The following PTPRZ1 variants were observed in gnomAD, a reference collection of about 807,000 sequenced individuals.
PTPRZ1 encodes receptor-type tyrosine-protein phosphatase zeta.
Under a neutral mutation model 214.1 loss-of-function variants are expected in PTPRZ1, and 82 were observed. The ratio of observed to expected loss-of-function variants is 0.38; its 90% confidence interval spans 0.32 to 0.46. The LOEUF is 0.46. PTPRZ1 is among the 20% of genes least tolerant of loss of function. The pLI is 1.00. For missense variants in PTPRZ1, 2,603 were observed against 2,748.7 expected (o/e 0.95, Z 1.19); for synonymous variants, 945 against 987.9 (o/e 0.96, Z 0.81).
chr7:121,899,562 A>G (rs781349340), intron 1 of PTPRZ1, among the ~76,000 whole-genome samples: 20 of 152,166 alleles, frequency 1.3e-4, no homozygotes, highest in African/African-American at 2.4e-4. Flanking sequence ...CTTTCAGGCT[A>G]TCTCTCTCCT....
At chr7:121,874,118 T>A (rs1419953812) in intron 1 of PTPRZ1, among the ~76,000 whole-genome samples, 5 of 151,816 alleles carry the variant, frequency 3.3e-5, no homozygotes, top group Admixed American at 2.0e-4. Context: ...GGGTTTTTTT[T>A]ATTACTTTCA....
At chr7:121,926,375 A>G (rs977624695) in intron 1 of PTPRZ1, among the ~76,000 whole-genome samples, 4 of 151,898 alleles carry the variant, frequency 2.6e-5, no homozygotes, top group Non-Finnish European at 5.9e-5. Flanking sequence ...TCAAGGGCCT[A>G]TGGTCAAGAA....
chr7:121,932,009 A>T (rs946484230), intron 2 of PTPRZ1, among the ~76,000 whole-genome samples: 2 of 152,152 alleles, frequency 1.3e-5, no homozygotes, highest in Admixed American at 6.5e-5. Flanking sequence ...TTTTTTAAAG[A>T]GTGAATTGCT....
intron 27 of PTPRZ1, among the ~76,000 whole-genome samples, chr7:122,058,148 G>GT (rs1792430020): frequency 6.6e-6 from 1 of 151,664 alleles, no homozygotes; most frequent in African/African-American, 2.4e-5. Context: ...TTATTTACCA[G>GT]TATCTTGGCT....
chr7:121,959,018 T>C (rs897501689), intron 2 of PTPRZ1, among the ~76,000 whole-genome samples: 3 of 151,220 alleles, frequency 2.0e-5, no homozygotes, highest in Non-Finnish European at 3.0e-5. Flanking sequence ...AGAGGCGGGG[T>C]TTCACCATGT....
intron 10 of PTPRZ1, among the ~76,000 whole-genome samples, chr7:122,003,764 A>G (rs1464749201): frequency 1.3e-5 from 2 of 152,204 alleles, no homozygotes; most frequent in East Asian, 1.9e-4. Flanking sequence ...GACCAAGACT[A>G]AAGAAAAATT....
chr7:122,011,714 C>G lies in PTPRZ1; in HGVS notation c.2668C>G (p.Leu890Val). The change falls in exon 12 of 30, where the codon CTG (leucine) becomes GTG (valine). Residue 890 changes from leucine to valine, a missense_variant. Coordinates refer to ENST00000393386, the MANE Select transcript of PTPRZ1 (RefSeq NM_002851.3). ...LSTTHAASETLEFGSESGVLY... is the reference protein window; with the variant it reads ...LSTTHAASETVEFGSESGVLY... ...CACTACTCATGCTGCTTCAGAGACG[C>G]TGGAATTTGGTAGTGAATCTGGTGT... 6.2e-7 allele frequency: 1 copy of G among 1,614,104 alleles called. No individual in the cohort carries two copies. Among genetic ancestry groups the G allele is most frequent in the Non-Finnish European group, 8.5e-7 (1 of 1,180,018 alleles).
At position 122,061,197 on chromosome 7, in the gene PTPRZ1, G is replaced by A. The variant is rs890413783; in HGVS notation, c.6925G>A (p.Glu2309Lys). The change falls in exon 30 of 30, where the codon GAG becomes AAG. Residue 2309 changes from glutamate to lysine, a missense_variant. By Grantham distance (56) the Glu-to-Lys change is moderately conservative (BLOSUM62 1). Around this residue, in one of 6 missense-constraint regions of PTPRZ1, gnomAD observed 165 missense variants for 151.4 expected, o/e 1.09. Transcript: ENST00000393386. Reference sequence around the variant, plus strand: ...AGCATTGCCTGATGGAAATATAGCTGAGAGCTTAGAGTCTTTAGTTTAACA... The same window carrying A: ...AGCATTGCCTGATGGAAATATAGCTAAGAGCTTAGAGTCTTTAGTTTAACA... ...GAALPDGNIAESLESLV is the reference protein window; with the variant it reads ...GAALPDGNIAKSLESLV 2 of 1,604,284 alleles carry A rather than the reference G, an allele frequency of 1.2e-6. No homozygotes were observed. Among genetic ancestry groups the A allele is most frequent in the Admixed American group, 3.4e-5 (2 of 59,170 alleles).
chr7:121,946,508 G>A (rs1796379309), intron 2 of PTPRZ1, among the ~76,000 whole-genome samples: 1 of 152,026 alleles, frequency 6.6e-6, no homozygotes, highest in Non-Finnish European at 1.5e-5. Context: ...GTAGCGAGAA[G>A]GTCCCATAGA....
At chr7:121,891,659 T>G (rs914541832) in intron 1 of PTPRZ1, among the ~76,000 whole-genome samples, 1 of 151,880 alleles carries the variant, frequency 6.6e-6, no homozygotes, top group Admixed American at 6.6e-5. Flanking sequence ...GTCTGAAATC[T>G]TAGTTTACTT....
At chr7:121,955,429 CTTTGTTTGTTTG>C (rs71172155) in intron 2 of PTPRZ1, among the ~76,000 whole-genome samples, 46 of 150,604 alleles carry the variant, frequency 3.1e-4, no homozygotes, top group African/African-American at 1.0e-3. Flanking sequence ...TCCACCAGGG[CTTTGTTTGTTTG>C]TTTGTTTGTT....
chr7:122,032,899 G>A (rs1190686990), intron 15 of PTPRZ1, among the ~76,000 whole-genome samples: 2 of 151,946 alleles, frequency 1.3e-5, no homozygotes, highest in Admixed American at 1.3e-4. Context: ...TATTTTGACA[G>A]GCTAGAGGTT....
At chr7:121,917,739 T>C (rs1370443379) in intron 1 of PTPRZ1, among the ~76,000 whole-genome samples, 2 of 152,140 alleles carry the variant, frequency 1.3e-5, no homozygotes. Flanking sequence ...AGCAAAGAGA[T>C]GTGACTTGTC....
chr7:121,965,070 G>A (rs1014158850), intron 2 of PTPRZ1, among the ~76,000 whole-genome samples: 6 of 152,204 alleles, frequency 3.9e-5, no homozygotes, highest in Admixed American at 3.9e-4. Context: ...TATTTTTAAA[G>A]TGTACTTTAG....
intron 12 of PTPRZ1, among the ~76,000 whole-genome samples, chr7:122,016,376 C>T (rs1798839916): frequency 6.6e-6 from 1 of 151,826 alleles, no homozygotes; most frequent in Non-Finnish European, 1.5e-5. Context: ...ACTACTGAGC[C>T]ATCTCAAGGA....
chr7:121,953,963 A>G (rs1402686351), intron 2 of PTPRZ1, among the ~76,000 whole-genome samples: 1 of 152,192 alleles, frequency 6.6e-6, no homozygotes, highest in Non-Finnish European at 1.5e-5. Flanking sequence ...GTCATCAGTC[A>G]GAGTCATCAA....
At chr7:121,976,958 T>C in intron 6 of PTPRZ1, 107 bp downstream of exon 6, 1 of 799,382 alleles carries the variant, frequency 1.3e-6, no homozygotes, top group Non-Finnish European at 1.9e-6. Context: ...AAGTACTACA[T>C]TTTTAAAGAG....
intron 2 of PTPRZ1, among the ~76,000 whole-genome samples, chr7:121,947,231 G>A (rs1472747737): frequency 6.6e-6 from 1 of 150,542 alleles, no homozygotes; most frequent in Non-Finnish European, 1.5e-5. Context: ...TTCTGTACTT[G>A]AACCTTTTCT....
At chr7:122,020,781 G>A (rs1798990993) in intron 13 of PTPRZ1, among the ~76,000 whole-genome samples, 1 of 151,782 alleles carries the variant, frequency 6.6e-6, no homozygotes, top group Admixed American at 6.6e-5. Flanking sequence ...AAACAAACCT[G>A]GTTTCTTTAG....
Sources: gnomAD v4.1 joint callset for allele counts (sites outside exome capture counted in the v4.1 genomes callset) on GRCh38, gnomAD v4.1.1 for gene constraint, gnomAD v4.1.1 regional missense constraint, MANE v1.5 for transcripts, NCBI Gene and HGNC (gene_info 2026-07-23, HGNC 2026-07-21) for gene names.